TCF20: variants seen among roughly 807,000 people sequenced by gnomAD.
TCF20 encodes the protein transcription factor 20.
TCF20 carries 3 observed loss-of-function variants against 148.6 expected under a neutral mutation model. The observed-to-expected ratio is 0.02, with a 90% CI of 0.01 to 0.05. The LOEUF is 0.05. Among genes scored for constraint, TCF20 ranks in the 10% least tolerant of loss-of-function variants. TCF20 has a pLI of 1.00. For synonymous variants in TCF20, 1,049 were observed against 909.5 expected, an observed-to-expected ratio of 1.15 and a Z score of -2.76; for missense variants, 2,350 against 2,429.3, an observed-to-expected ratio of 0.97 and a Z score of 0.69.
intron 1 of TCF20, among the ~76,000 whole-genome samples, chr22:42,301,006 G>A (rs1927326695): frequency 6.6e-6 from 1 of 152,188 alleles, no homozygotes; most frequent in Non-Finnish European, 1.5e-5. Flanking sequence ...GGCCTCCAAG[G>A]AGGAAGCAGC....
chr22:42,304,046 T>C (rs1927388781), intron 1 of TCF20, among the ~76,000 whole-genome samples: 1 of 151,476 alleles, frequency 6.6e-6, no homozygotes, highest in African/African-American at 2.4e-5. Context: ...CGCAAGAACA[T>C]CAAAGCTAGG....
At chr22:42,189,322 C>T (rs575610742) in intron 2 of TCF20, among the ~76,000 whole-genome samples, 2 of 152,304 alleles carry the variant, frequency 1.3e-5, no homozygotes, top group South Asian at 2.1e-4. Flanking sequence ...GGACAGGGAG[C>T]CCTCTGGATG....
intron 2 of TCF20, among the ~76,000 whole-genome samples, chr22:42,199,755 C>T (rs1026765178): frequency 7.8e-6 from 1 of 127,464 alleles, no homozygotes; most frequent in East Asian, 2.2e-4. Context: ...GATGTGGTGA[C>T]AGGAGAATCG....
At chr22:42,232,040 G>C (rs919090186) in intron 1 of TCF20, among the ~76,000 whole-genome samples, 3 of 151,990 alleles carry the variant, frequency 2.0e-5, no homozygotes, top group Non-Finnish European at 1.5e-5. Context: ...TACATCTACA[G>C]TAGTGTGCAG....
chr22:42,191,474 A>T (rs1937332565), intron 2 of TCF20, among the ~76,000 whole-genome samples: 1 of 152,090 alleles, frequency 6.6e-6, no homozygotes, highest in South Asian at 2.1e-4. Flanking sequence ...TTTTTAGTAG[A>T]GACGGGGTTT....
At chr22:42,165,279 T>A (rs1935714777) in intron 5 of TCF20, among the ~76,000 whole-genome samples, 1 of 152,240 alleles carries the variant, frequency 6.6e-6, no homozygotes, top group Non-Finnish European at 1.5e-5. Context: ...CACGCCCCGT[T>A]CCCTGCCTTG....
In TCF20 at chr22:42,186,167, G is replaced by C. The variant is rs543383910; in HGVS notation, c.5656-6465C>G. 2.6e-5 allele frequency among the ~76,000 whole-genome samples: 4 copies of C among 152,332 alleles called. No homozygotes were observed. In the South Asian group the frequency reaches 8.3e-4, roughly 32 times the overall value. ...TACTTAAGACAAAAGTTCCAGGCTT[G>C]ACTAGCTTTTTAGAATAAATGTGGT... On this transcript the variant is annotated intron_variant, in intron 2 of 5. Coordinates refer to ENST00000677622, the MANE Select transcript of TCF20 (RefSeq NM_001378418.1).
rs566658947 is a variant in TCF20 at position 42,279,279 on chromosome 22, C to G, written c.-37+4548G>C. Among the ~76,000 whole-genome samples, 1 of 152,070 alleles carries G rather than the reference C, an allele frequency of 6.6e-6. No individual in the cohort carries two copies. Among genetic ancestry groups the G allele is most frequent in the African/African-American group, 2.4e-5 (1 of 41,482 alleles). On this transcript the variant is annotated intron_variant, in intron 1 of 5. Transcript: ENST00000359486. The surrounding 1 kb of genome is among the most constrained non-coding windows in gnomAD (Gnocchi z 4.3). ...CAGCACTTTGGGAGGCTGAGGCGGGCGGATCACCTGAGGTCAGGAGTTCGA... is the reference window on the plus strand; with the variant it reads ...CAGCACTTTGGGAGGCTGAGGCGGGGGGATCACCTGAGGTCAGGAGTTCGA...
Position 42,215,315 on chromosome 22 carries a change from C to T in TCF20, c.-10G>A. The stretch of plus-strand genomic sequence containing the variant: ...CCCGAAAGGACTGCATACTGTTCAG[C>T]AGCACAGCAGCAGGCCAACAGCCCT... On this transcript the variant is annotated 5_prime_UTR_variant, in exon 2 of 6. Transcript: ENST00000677622. 1 of 1,597,624 alleles carries T rather than the reference C, an allele frequency of 6.3e-7. No individual in the cohort carries two copies.
chr22:42,255,827 A>T (rs1925710953), intron 1 of TCF20, among the ~76,000 whole-genome samples: 1 of 152,040 alleles, frequency 6.6e-6, no homozygotes, highest in Non-Finnish European at 1.5e-5. Flanking sequence ...CTCTCTTCAC[A>T]AAACTTTGTT....
At chr22:42,239,878 T>G (rs184133035) in intron 1 of TCF20, among the ~76,000 whole-genome samples, 110 of 152,360 alleles carry the variant, frequency 7.2e-4, no homozygotes, top group Non-Finnish European at 1.5e-3. Flanking sequence ...AGTGAGCACA[T>G]GCTGTTGAAA....
chr22:42,165,332 T>C (rs1304131718), intron 5 of TCF20, among the ~76,000 whole-genome samples: 1 of 152,234 alleles, frequency 6.6e-6, no homozygotes, highest in Non-Finnish European at 1.5e-5. Context: ...GTACATAGCA[T>C]CCAGGATGCA....
chr22:42,239,478 G>C (rs1250899737), intron 1 of TCF20, among the ~76,000 whole-genome samples: 2 of 144,252 alleles, frequency 1.4e-5, no homozygotes, highest in East Asian at 4.0e-4. Context: ...ATCTCTCTCA[G>C]AAAAAAAAAA....
intron 1 of TCF20, among the ~76,000 whole-genome samples, chr22:42,256,569 T>G (rs2147364126): frequency 6.6e-6 from 1 of 152,242 alleles, no homozygotes; most frequent in Admixed American, 6.5e-5. Context: ...TGCTAGAACT[T>G]AAATCCACTT....
intron 2 of TCF20, among the ~76,000 whole-genome samples, chr22:42,192,476 G>C (rs1408576504): frequency 6.6e-6 from 1 of 152,162 alleles, no homozygotes; most frequent in Non-Finnish European, 1.5e-5. Flanking sequence ...TTGAGGTATT[G>C]TCAGGCAAAG....
intron 1 of TCF20, among the ~76,000 whole-genome samples, chr22:42,232,000 AT>A (rs1334834535): frequency 6.6e-6 from 1 of 152,086 alleles, no homozygotes; most frequent in Non-Finnish European, 1.5e-5. Context: ...TAAAAAATAA[AT>A]TTAGTGTAGT....
At chr22:42,266,881 A>G (rs1342407412) in intron 1 of TCF20, among the ~76,000 whole-genome samples, 1 of 152,272 alleles carries the variant, frequency 6.6e-6, no homozygotes, top group African/African-American at 2.4e-5. Flanking sequence ...GTGAATACAC[A>G]CAAATTACTT....
At chr22:42,286,997 T>C (rs1235072578), upstream of TCF20, among the ~76,000 whole-genome samples, 1 of 150,980 alleles carries the variant, frequency 6.6e-6, no homozygotes, top group Non-Finnish European at 1.5e-5. Context: ...GGAGTACAGC[T>C]GGGAGTCGGC....
Position 42,169,789 on chromosome 22 carries a change from C to T in TCF20, c.5799+58G>A, listed in dbSNP as rs370866652. 53 of 1,591,468 alleles carry T rather than the reference C, an allele frequency of 3.3e-5. 1 individual carries two copies. Among genetic ancestry groups the T allele is most frequent in the African/African-American group, 3.2e-4 (24 of 74,364 alleles). On this transcript the variant is annotated intron_variant, in intron 4 of 5. Transcript: ENST00000677622. ...ACCAACACCTGGTCTTCAGGTCTTT[C>T]AGGAGGAGCCACCCTCGATCCCATC...
Sources: allele counts gnomAD v4.1 joint callset (sites outside exome capture counted in the v4.1 genomes callset), GRCh38; gene constraint gnomAD v4.1.1; non-coding constraint Gnocchi (gnomAD v3.1); transcripts MANE v1.5; gene names NCBI Gene and HGNC (gene_info 2026-07-23, HGNC 2026-07-21).